The following PIK3R5 variants were observed in gnomAD, a reference collection of about 807,000 sequenced individuals.
The protein encoded by PIK3R5 is phosphoinositide-3-kinase regulatory subunit 5, also known as phosphoinositide 3-kinase regulatory subunit 5.
Under a neutral mutation model 94.9 loss-of-function variants are expected in PIK3R5, and 32 were observed. That is an observed-to-expected ratio of 0.34 (90% confidence interval 0.25 to 0.45). PIK3R5 has a LOEUF of 0.45. Among genes scored for constraint, PIK3R5 ranks in the 20% least tolerant of loss-of-function variants. The pLI, the probability that PIK3R5 is intolerant of heterozygous loss-of-function variation, is 1.00. For missense variants in PIK3R5, 853 were observed against 1,144.6 expected, an observed-to-expected ratio of 0.75 and a Z score of 3.68; for synonymous variants, 443 against 479.4, an observed-to-expected ratio of 0.92 and a Z score of 0.99.
In PIK3R5 at chr17:8,925,319, T is replaced by G. The variant is rs1019464105; in HGVS notation, c.-13-13812A>C. Among the ~76,000 whole-genome samples, 3 of 151,498 alleles carry G rather than the reference T, an allele frequency of 2.0e-5. No individual in the cohort carries two copies. The highest frequency in any genetic ancestry group is 4.4e-5 in the Non-Finnish European group (3 of 67,936). On this transcript the variant is annotated intron_variant, in intron 1 of 18. Coordinates refer to ENST00000447110, the MANE Select transcript of PIK3R5 (RefSeq NM_001142633.3). The surrounding 1 kb of genome is among the most constrained non-coding windows in gnomAD (Gnocchi z 5.1). ...GATAGATAGATAGTAGATGGATAGATAGTAGATGGATAGACAGTAGATTGA... is the reference window on the plus strand; with the variant it reads ...GATAGATAGATAGTAGATGGATAGAGAGTAGATGGATAGACAGTAGATTGA...
chr17:8,893,738 G>C lies in PIK3R5; in HGVS notation c.413-83C>G. On this transcript the variant is annotated intron_variant, in intron 5 of 18. Coordinates refer to ENST00000447110, the MANE Select transcript of PIK3R5 (RefSeq NM_001142633.3). The surrounding 1 kb of genome is among the most constrained non-coding windows in gnomAD (Gnocchi z 5.1). Reference sequence around the variant, plus strand: ...GTGCCTCGTGGGGAGCCAAGCACTGGACAATCAGGTTGGAAATTCCCGGAT... The same window carrying C: ...GTGCCTCGTGGGGAGCCAAGCACTGCACAATCAGGTTGGAAATTCCCGGAT... 7 of 1,064,754 alleles carry C rather than the reference G, an allele frequency of 6.6e-6. No homozygotes were observed. Among genetic ancestry groups the C allele is most frequent in the Non-Finnish European group, 8.7e-6 (6 of 690,314 alleles). 66.0% of individuals were successfully genotyped at this position (1,064,754 alleles called of 1,614,324 possible).
intron 1 of PIK3R5, among the ~76,000 whole-genome samples, chr17:8,918,075 C>A (rs1324246970): frequency 1.3e-5 from 2 of 152,068 alleles, no homozygotes; most frequent in Non-Finnish European, 2.9e-5. Flanking sequence ...CAGATAAATA[C>A]ATATAGAAAA....
At chr17:8,941,186 T>C (rs1351475910) in intron 1 of PIK3R5, among the ~76,000 whole-genome samples, 1 of 151,956 alleles carries the variant, frequency 6.6e-6, no homozygotes, top group African/African-American at 2.4e-5. Context: ...CTGAGGGGTG[T>C]AGCGGGATAG....
rs1245967053 is a variant in PIK3R5 at position 8,909,329 on chromosome 17, C to T, written c.104-155G>A. On this transcript the variant is annotated intron_variant, in intron 2 of 18. Transcript: ENST00000447110. The surrounding 1 kb of genome is among the most constrained non-coding windows in gnomAD (Gnocchi z 4.3). ...TTTTTGAGACAGAGTCTTGCTCTGTCGCCAGGCTGGAGTGCAGTGGTGCGA... is the reference window on the plus strand; with the variant it reads ...TTTTTGAGACAGAGTCTTGCTCTGTTGCCAGGCTGGAGTGCAGTGGTGCGA... Among the ~76,000 whole-genome samples, 4 of 151,542 alleles carry T rather than the reference C, an allele frequency of 2.6e-5. No individual in the cohort carries two copies. Among genetic ancestry groups the T allele is most frequent in the African/African-American group, 4.9e-5 (2 of 41,182 alleles).
In PIK3R5 at chr17:8,879,786, G is replaced by A. The variant is rs949893135; in HGVS notation, c.*853C>T. 3 of 152,200 alleles carry A rather than the reference G, an allele frequency of 2.0e-5. No homozygotes were observed. Among genetic ancestry groups the A allele is most frequent in the South Asian group, 2.1e-4 (1 of 4,828 alleles). 9.4% of individuals were successfully genotyped at this position (152,200 alleles called of 1,614,324 possible). A position where few individuals can be genotyped will look rare whatever the true frequency, so the allele number is the denominator to read the frequency against. ...TTTACTGAACACCTACTGGGAGCTC[G>A]GCACTGGGCTAGGTGCTTTGCAGAC... On this transcript the variant is annotated 3_prime_UTR_variant, in exon 19 of 19. Transcript: ENST00000447110. This position sits in a 1 kb window ranked among gnomAD's most constrained non-coding sequence, Gnocchi z 4.4.
In PIK3R5 at chr17:8,881,450, A is replaced by G. The variant is rs963775901; in HGVS notation, c.2382+180T>C. 6.7e-6 allele frequency among the ~76,000 whole-genome samples: 1 copy of G among 148,750 alleles called. No individual in the cohort carries two copies. The highest frequency in any genetic ancestry group is 1.5e-5 in the Non-Finnish European group (1 of 67,200). On this transcript the variant is annotated intron_variant, in intron 17 of 18. Transcript: ENST00000447110. The surrounding 1 kb of genome is among the most constrained non-coding windows in gnomAD (Gnocchi z 4.8). Reference sequence around the variant, plus strand: ...TGTGCATCCCCAAATCATACCCCTCACCCTGCCTCTCCTCCCCCACCTCTC... The same window carrying G: ...TGTGCATCCCCAAATCATACCCCTCGCCCTGCCTCTCCTCCCCCACCTCTC...
intron 2 of PIK3R5, among the ~76,000 whole-genome samples, chr17:8,910,474 A>G (rs1461986578): frequency 2.0e-5 from 3 of 152,196 alleles, no homozygotes; most frequent in African/African-American, 7.2e-5. Context: ...TGAATACATT[A>G]TCTTCATTGA....
chr17:8,944,503 G>A (rs1172508852), intron 1 of PIK3R5, among the ~76,000 whole-genome samples: 1 of 152,212 alleles, frequency 6.6e-6, no homozygotes, highest in East Asian at 1.9e-4. Flanking sequence ...TCTGTAAAGG[G>A]AGCAAGATGA....
At chr17:8,902,395 C>T (rs907273274) in intron 5 of PIK3R5, among the ~76,000 whole-genome samples, 6 of 151,482 alleles carry the variant, frequency 4.0e-5, no homozygotes, top group Non-Finnish European at 7.4e-5. Context: ...GCTGGGACTA[C>T]AGGTGTATGC....
rs983258691 is a variant in PIK3R5, at chr17:8,882,797, C to T, written c.2206-916G>A. Among the ~76,000 whole-genome samples the T allele has an allele frequency of 2.0e-5, 3 of 152,144 alleles. No homozygotes were observed. Among genetic ancestry groups the T allele is most frequent in the Admixed American group, 6.5e-5 (1 of 15,276 alleles). On this transcript the variant is annotated intron_variant, in intron 15 of 18. Coordinates refer to ENST00000447110, the MANE Select transcript of PIK3R5 (RefSeq NM_001142633.3). The surrounding 1 kb of genome is among the most constrained non-coding windows in gnomAD (Gnocchi z 4.1). ...CTCCTTTCCTAACCCATCCATGGGC[C>T]CTGCTGATTACATCACTCACATCTG...
At chr17:8,920,832 T>TTTTTTC (rs1447758815) in intron 1 of PIK3R5, among the ~76,000 whole-genome samples, 1 of 149,560 alleles carries the variant, frequency 6.7e-6, no homozygotes, top group East Asian at 1.9e-4. Flanking sequence ...TTTTTTTTTC[T>TTTTTTC]TTTTTCTTTT....
At chr17:8,930,502 G>A (rs990776942) in intron 1 of PIK3R5, among the ~76,000 whole-genome samples, 4 of 152,168 alleles carry the variant, frequency 2.6e-5, no homozygotes, top group Non-Finnish European at 5.9e-5. Context: ...GTATGGCCCA[G>A]CAATTGTGCT....
chr17:8,957,964 G>C (rs1202958348), intron 1 of PIK3R5, among the ~76,000 whole-genome samples: 1 of 152,174 alleles, frequency 6.6e-6, no homozygotes, highest in Non-Finnish European at 1.5e-5. Flanking sequence ...ATCAAAAACT[G>C]ACAACGGCAG....
chr17:8,901,043 G>C (rs575281171), intron 5 of PIK3R5, among the ~76,000 whole-genome samples: 26 of 152,340 alleles, frequency 1.7e-4, no homozygotes, highest in African/African-American at 6.3e-4. Context: ...AAGGAAGAAA[G>C]GCATTGCCTC....
At chr17:8,960,247 G>A (rs779238063) in intron 1 of PIK3R5, among the ~76,000 whole-genome samples, 6 of 152,154 alleles carry the variant, frequency 3.9e-5, no homozygotes, top group Non-Finnish European at 7.3e-5. Flanking sequence ...CTACATGGTA[G>A]GTATTAGTAT....
In PIK3R5 at chr17:8,909,557, GATTATAGGCGT is replaced by G. The variant is rs1166918595; in HGVS notation, c.104-394_104-384del. On this transcript the variant is annotated intron_variant, in intron 2 of 18. Transcript: ENST00000447110. This position sits in a 1 kb window ranked among gnomAD's most constrained non-coding sequence, Gnocchi z 4.3. ...CCGCCTCGGACTCCCAAAGTGCTGGGATTATAGGCGTGAGCCACTGCACCCGGCCTGGAACA... is the reference window on the plus strand; with the variant it reads ...CCGCCTCGGACTCCCAAAGTGCTGGGGAGCCACTGCACCCGGCCTGGAACA... Among the ~76,000 whole-genome samples the G allele has an allele frequency of 6.6e-6, 1 of 152,232 alleles. No homozygotes were observed. Among genetic ancestry groups the G allele is most frequent in the Non-Finnish European group, 1.5e-5 (1 of 68,040 alleles).
rs999343830 is a variant in PIK3R5, at chr17:8,882,954, C to T, written c.2206-1073G>A. Among the ~76,000 whole-genome samples the T allele has an allele frequency of 2.6e-5, 4 of 152,238 alleles. No individual in the cohort carries two copies. The highest frequency in any genetic ancestry group is 2.9e-5 in the Non-Finnish European group (2 of 68,048). ...CTTGTGGACCCTTCCTATCTGTCCTCCACAGAGCTGCCAGAGGGAGCTTCC... is the reference window on the plus strand; with the variant it reads ...CTTGTGGACCCTTCCTATCTGTCCTTCACAGAGCTGCCAGAGGGAGCTTCC... On this transcript the variant is annotated intron_variant, in intron 15 of 18. Coordinates refer to ENST00000447110, the MANE Select transcript of PIK3R5 (RefSeq NM_001142633.3). The surrounding 1 kb of genome is among the most constrained non-coding windows in gnomAD (Gnocchi z 4.1).
At chr17:8,902,186 A>G (rs2090298110) in intron 5 of PIK3R5, among the ~76,000 whole-genome samples, 1 of 150,656 alleles carries the variant, frequency 6.6e-6, no homozygotes, top group Non-Finnish European at 1.5e-5. Context: ...ATATTTCCAT[A>G]AGTGTATTTG....
intron 1 of PIK3R5, among the ~76,000 whole-genome samples, chr17:8,948,002 C>T (rs1251007217): frequency 7.0e-6 from 1 of 143,016 alleles, no homozygotes; most frequent in African/African-American, 2.7e-5. Context: ...AAGATTGAGC[C>T]ACTGCACTCC....
Sources: allele counts gnomAD v4.1 joint callset (sites outside exome capture counted in the v4.1 genomes callset), GRCh38; gene constraint gnomAD v4.1.1; non-coding constraint Gnocchi (gnomAD v3.1); transcripts MANE v1.5; gene names NCBI Gene and HGNC (gene_info 2026-07-23, HGNC 2026-07-21).